Variants in LINGO2 observed in about 807,000 individuals in gnomAD.
LINGO2 encodes leucine rich repeat and Ig domain containing 2, also known as leucine-rich repeat and immunoglobulin-like domain-containing nogo receptor-interacting protein 2.
In LINGO2, 14 loss-of-function variants were observed where a neutral mutation model predicts 30.6. That is an observed-to-expected ratio of 0.46 (90% CI 0.30 to 0.72). LINGO2 has a LOEUF of 0.72. Among genes scored for constraint, LINGO2 ranks in the 30% least tolerant of loss-of-function variants. LINGO2 has a pLI of 0.07. For missense variants in LINGO2, 729 were observed against 751.7 expected, an observed-to-expected ratio of 0.97 and a Z score of 0.35; for synonymous variants, 317 against 288.5, an observed-to-expected ratio of 1.10 and a Z score of -1.00.
rs137936903 is a variant in LINGO2, at chr9:28,626,159, G to A, written c.-365+44041C>T. On this transcript the variant is annotated intron_variant, in intron 1 of 5. Transcript: ENST00000379992. ...TATCTCACTGTCTTTAACTCTCACT[G>A]CCCTGATGACTAATATGTTGAGTAC... 8.3e-3 allele frequency among the ~76,000 whole-genome samples: 1,270 copies of A among 152,126 alleles called. 13 individuals are homozygous for A. Among genetic ancestry groups the A allele is most frequent in the Middle Eastern group, 0.045 (13 of 292 alleles).
chr9:29,188,734 G>A, the LINGO2 span, among the ~76,000 whole-genome samples: 3 of 125,670 alleles, frequency 2.4e-5, no homozygotes, highest in East Asian at 2.4e-4. Flanking sequence ...CGGATGGGGC[G>A]GCTGGCCGGG....
intron 4 of LINGO2, among the ~76,000 whole-genome samples, chr9:28,166,724 T>A (rs1828436371): frequency 6.6e-6 from 1 of 150,722 alleles, no homozygotes; most frequent in Non-Finnish European, 1.5e-5. Context: ...ACATTATTGA[T>A]GATATTTCCT....
At chr9:28,039,033 T>TTCCTTTG (rs1824078796) in intron 4 of LINGO2, among the ~76,000 whole-genome samples, 1 of 152,158 alleles carries the variant, frequency 6.6e-6, no homozygotes, top group Non-Finnish European at 1.5e-5. Context: ...AGGAAAGATC[T>TTCCTTTG]TCCTTTGTCG....
chr9:29,076,632 A>AATAAAT, the LINGO2 span, among the ~76,000 whole-genome samples: 1 of 138,962 alleles, frequency 7.2e-6, no homozygotes, highest in Non-Finnish European at 1.6e-5. Context: ...TAAATAAATA[A>AATAAAT]ATATATATAT....
At chr9:28,149,826 C>A (rs1390315949) in intron 4 of LINGO2, among the ~76,000 whole-genome samples, 1 of 149,408 alleles carries the variant, frequency 6.7e-6, no homozygotes. Flanking sequence ...CACCTCTGCC[C>A]GGCCGCCTCA....
chr9:28,889,910 G>A, the LINGO2 span, among the ~76,000 whole-genome samples: 5 of 151,898 alleles, frequency 3.3e-5, no homozygotes, highest in Admixed American at 6.6e-5. Context: ...TTTTGCCTAT[G>A]TTAGTTTGTT....
At chr9:28,335,291 AT>A (rs1825554309) in intron 3 of LINGO2, among the ~76,000 whole-genome samples, 1 of 152,152 alleles carries the variant, frequency 6.6e-6, no homozygotes, top group African/African-American at 2.4e-5. Context: ...GGAGTGCTTC[AT>A]ATACATTGTC....
At chr9:28,815,903 G>C in the LINGO2 span, among the ~76,000 whole-genome samples, 1 of 152,142 alleles carries the variant, frequency 6.6e-6, no homozygotes, top group Non-Finnish European at 1.5e-5. Context: ...TGTGCTGCTA[G>C]AACGGAATAC....
chr9:28,864,851 A>G, the LINGO2 span, among the ~76,000 whole-genome samples: 1 of 152,198 alleles, frequency 6.6e-6, no homozygotes, highest in Non-Finnish European at 1.5e-5. Context: ...ATCATGTGCC[A>G]GGCATAGTCT....
the LINGO2 span, among the ~76,000 whole-genome samples, chr9:28,706,423 G>T: frequency 6.6e-6 from 1 of 152,076 alleles, no homozygotes; most frequent in African/African-American, 2.4e-5. Context: ...TGAAGGAATA[G>T]AATATTTTAA....
the LINGO2 span, among the ~76,000 whole-genome samples, chr9:28,750,326 C>T: frequency 1.7e-4 from 26 of 152,094 alleles, 1 homozygote; most frequent in African/African-American, 6.3e-4. Context: ...AATCATGTGG[C>T]GTAAGCCAAG....
chr9:28,804,460 C>T, the LINGO2 span, among the ~76,000 whole-genome samples: 1 of 151,926 alleles, frequency 6.6e-6, no homozygotes, highest in Non-Finnish European at 1.5e-5. Context: ...CTTAATATTT[C>T]TAGAGGTTTA....
intron 4 of LINGO2, among the ~76,000 whole-genome samples, chr9:28,046,500 C>T (rs1824427233): frequency 6.6e-6 from 1 of 152,164 alleles, no homozygotes; most frequent in Non-Finnish European, 1.5e-5. Flanking sequence ...AGCCAACTTC[C>T]TTTGCAGTTT....
the LINGO2 span, among the ~76,000 whole-genome samples, chr9:28,895,472 C>G: frequency 6.6e-6 from 1 of 152,266 alleles, no homozygotes; most frequent in Admixed American, 6.5e-5. Context: ...TGTCCACCCT[C>G]TCACTCGTAT....
At chr9:28,916,498 C>T in the LINGO2 span, among the ~76,000 whole-genome samples, 12 of 149,262 alleles carry the variant, frequency 8.0e-5, no homozygotes, top group African/African-American at 2.2e-4. Flanking sequence ...CAAACACTCC[C>T]TCCTTCTATT....
the LINGO2 span, among the ~76,000 whole-genome samples, chr9:28,833,806 T>C: frequency 6.6e-6 from 1 of 152,186 alleles, no homozygotes; most frequent in Admixed American, 6.6e-5. Context: ...ACAAGGGTAC[T>C]GATAAGAAGG....
At chr9:28,188,309 A>T (rs1484745666) in intron 4 of LINGO2, among the ~76,000 whole-genome samples, 1 of 151,580 alleles carries the variant, frequency 6.6e-6, no homozygotes, top group Non-Finnish European at 1.5e-5. Flanking sequence ...ATAACAAAAT[A>T]AGCATTTTTT....
chr9:27,962,103 G>T (rs986382530), intron 5 of LINGO2, among the ~76,000 whole-genome samples: 2 of 152,136 alleles, frequency 1.3e-5, no homozygotes, highest in African/African-American at 4.8e-5. Context: ...CAGGGAAATA[G>T]ATTTTCAATT....
At chr9:27,970,483 G>A (rs996972044) in intron 5 of LINGO2, among the ~76,000 whole-genome samples, 8 of 145,346 alleles carry the variant, frequency 5.5e-5, no homozygotes, top group South Asian at 2.1e-4. Flanking sequence ...AGCTGGAATT[G>A]AGCAGATTTT....
Sources: gnomAD v4.1 joint callset for allele counts (sites outside exome capture counted in the v4.1 genomes callset) on GRCh38, gnomAD v4.1.1 for gene constraint, MANE v1.5 for transcripts, NCBI Gene and HGNC (gene_info 2026-07-23, HGNC 2026-07-21) for gene names.